The following KCNU1 variants were observed in gnomAD, a reference collection of about 807,000 sequenced individuals.
The protein encoded by KCNU1 is potassium channel subfamily U member 1.
KCNU1 carries 93 observed loss-of-function variants against 126.8 expected under a neutral mutation model. The ratio of observed to expected loss-of-function variants is 0.73; its 90% confidence interval spans 0.62 to 0.87. The LOEUF is 0.87. KCNU1 is among the 40% of genes least tolerant of loss of function. KCNU1 has a pLI of 0.00. For missense variants in KCNU1, 1,330 were observed against 1,367.1 expected, an observed-to-expected ratio of 0.97 and a Z score of 0.43; for synonymous variants, 523 against 494.2, an observed-to-expected ratio of 1.06 and a Z score of -0.77.
chr8:36,880,271 C>T (rs1806428518), intron 19 of KCNU1, among the ~76,000 whole-genome samples: 1 of 152,072 alleles, frequency 6.6e-6, no homozygotes, highest in South Asian at 2.1e-4. Flanking sequence ...ATTTGGATTG[C>T]TCTGGGCATT....
At chr8:36,805,366 A>G in intron 4 of KCNU1, 81 bp downstream of exon 4, 1 of 844,472 alleles carries the variant, frequency 1.2e-6, no homozygotes, top group Non-Finnish European at 1.9e-6. Flanking sequence ...TCTCAGTCCT[A>G]CAATCTGCCC....
intron 14 of KCNU1, among the ~76,000 whole-genome samples, chr8:36,840,151 T>G (rs1448283982): frequency 1.3e-5 from 2 of 152,232 alleles, no homozygotes; most frequent in Non-Finnish European, 2.9e-5. Context: ...TGATTCTTAC[T>G]AACTGAAAAG....
At chr8:36,931,205 A>C in intron 25 of KCNU1, 60 bp downstream of exon 25, 8 of 1,292,180 alleles carry the variant, frequency 6.2e-6, no homozygotes, top group Non-Finnish European at 8.6e-6. Context: ...AGCTTCTGAA[A>C]ATGGTCCAGG....
intron 18 of KCNU1, among the ~76,000 whole-genome samples, chr8:36,863,705 T>C (rs1396908272): frequency 6.6e-6 from 1 of 152,070 alleles, no homozygotes; most frequent in Non-Finnish European, 1.5e-5. Flanking sequence ...TATCAACATA[T>C]GGGTTCAGGA....
chr8:36,895,173 A>C (rs1807136512), intron 19 of KCNU1, among the ~76,000 whole-genome samples: 1 of 151,504 alleles, frequency 6.6e-6, no homozygotes, highest in African/African-American at 2.4e-5. Context: ...CTGCCCCCCC[A>C]GTTCAAGTGA....
At chr8:36,815,959 T>G (rs937449180) in intron 9 of KCNU1, among the ~76,000 whole-genome samples, 3 of 152,244 alleles carry the variant, frequency 2.0e-5, no homozygotes, top group African/African-American at 7.2e-5. Context: ...TAAATATTAC[T>G]GATTATGGCA....
rs1393450721 is a variant in KCNU1, at chr8:36,928,911, C to T, written c.2737-2040C>T. 3 of 639,976 alleles carry T rather than the reference C, an allele frequency of 4.7e-6. No homozygotes were observed. The African/African-American group carries it at 5.6e-5, about 12-fold the overall frequency. 39.6% of individuals were successfully genotyped at this position (639,976 alleles called of 1,614,324 possible). On this transcript the variant is annotated intron_variant, in intron 24 of 26. Coordinates refer to ENST00000399881, the MANE Select transcript of KCNU1 (RefSeq NM_001031836.3). ...GTCCATATATTCTGATCCAGGAGAT[C>T]TGGGATCCCAGAAATCTACACTCAT...
intron 18 of KCNU1, among the ~76,000 whole-genome samples, chr8:36,852,763 C>G (rs1445719338): frequency 1.3e-5 from 2 of 151,994 alleles, no homozygotes; most frequent in Non-Finnish European, 2.9e-5. Context: ...ACCAGTAGTA[C>G]TAATCTGTCT....
chr8:36,868,186 G>A (rs902727536), intron 19 of KCNU1, among the ~76,000 whole-genome samples: 3 of 152,044 alleles, frequency 2.0e-5, no homozygotes, highest in Non-Finnish European at 4.4e-5. Context: ...CGTGTTAATG[G>A]GTCAGTGATA....
chr8:36,826,647 C>T (rs1396025066), intron 10 of KCNU1, among the ~76,000 whole-genome samples: 1 of 152,112 alleles, frequency 6.6e-6, no homozygotes, highest in Non-Finnish European at 1.5e-5. Context: ...TACTTATAAA[C>T]CCATCCATTA....
At chr8:36,822,871 A>G (rs765035041) in intron 10 of KCNU1, among the ~76,000 whole-genome samples, 1 of 152,146 alleles carries the variant, frequency 6.6e-6, no homozygotes, top group Non-Finnish European at 1.5e-5. Flanking sequence ...GTCATTCTTT[A>G]TGCTGACTGC....
At chr8:36,813,476 T>C (rs1803796072) in intron 7 of KCNU1, among the ~76,000 whole-genome samples, 1 of 150,962 alleles carries the variant, frequency 6.6e-6, no homozygotes, top group Admixed American at 6.6e-5. Flanking sequence ...TTATAAACTA[T>C]ACATGTATAA....
chr8:36,907,285 C>A (rs1277608034), intron 20 of KCNU1, among the ~76,000 whole-genome samples: 1 of 152,084 alleles, frequency 6.6e-6, no homozygotes, highest in East Asian at 1.9e-4. Context: ...CCCCTTCTTC[C>A]AATAGTCACC....
Position 36,840,478 on chromosome 8 carries a change from A to G in KCNU1, c.1534A>G (p.Thr512Ala). ...TGTATTCCAGGTTATGCCTAAACAG[A>G]CCTGGAAGAAACACTTCTTGAATAG... Reference protein sequence around the residue: ...EQNKKVMPKQTWKKHFLNSMK... With the variant: ...EQNKKVMPKQAWKKHFLNSMK... The change falls in exon 15 of 27, where the codon ACC becomes GCC. Residue 512 changes from threonine to alanine, a missense_variant. Thr to Ala is a moderately conservative substitution (Grantham distance 58). This residue lies in a region of KCNU1 where 1,054 missense variants were observed against 1,053.9 expected (regional missense o/e 1.00). Coordinates refer to ENST00000399881, the MANE Select transcript of KCNU1 (RefSeq NM_001031836.3). 6.3e-7 allele frequency: 1 copy of G among 1,593,454 alleles called. No homozygotes were observed. Among genetic ancestry groups the G allele is most frequent in the Non-Finnish European group, 8.6e-7 (1 of 1,162,264 alleles).
intron 19 of KCNU1, among the ~76,000 whole-genome samples, chr8:36,878,237 T>C (rs975457065): frequency 2.0e-5 from 3 of 151,942 alleles, no homozygotes; most frequent in African/African-American, 7.3e-5. Context: ...GACAAGAAAA[T>C]TTCTGATAAG....
At position 36,933,617 on chromosome 8, in the gene KCNU1, A is replaced by G. The variant is rs73590714; in HGVS notation, c.3044+585A>G. On this transcript the variant is annotated intron_variant, in intron 26 of 26. Transcript: ENST00000399881. ...TGTGTATGCCCAGACTAAGATCCTC[A>G]CAGTGGGAATGGAAAGGATTCAGAA... 6.3e-3 allele frequency among the ~76,000 whole-genome samples: 956 copies of G among 152,244 alleles called. 11 individuals carry two copies. Among genetic ancestry groups the G allele is most frequent in the African/African-American group, 0.022 (911 of 41,574 alleles).
At chr8:36,889,259 T>G (rs1304402058) in intron 19 of KCNU1, 2 of 534,060 alleles carry the variant, frequency 3.7e-6, no homozygotes, top group Non-Finnish European at 7.7e-6. Flanking sequence ...ATGGTCAGTA[T>G]GACCCCATAT....
chr8:36,914,859 G>C (rs1269606336), intron 22 of KCNU1, among the ~76,000 whole-genome samples: 3 of 152,174 alleles, frequency 2.0e-5, no homozygotes, highest in Non-Finnish European at 4.4e-5. Flanking sequence ...CTACAATTAA[G>C]CAATCTTTTG....
chr8:36,881,905 C>T (rs978665232), intron 19 of KCNU1, among the ~76,000 whole-genome samples: 3 of 151,690 alleles, frequency 2.0e-5, no homozygotes, highest in Admixed American at 1.3e-4. Flanking sequence ...ATGTTATAGC[C>T]AGATTCTTAC....
Sources: gnomAD v4.1 joint callset for allele counts (sites outside exome capture counted in the v4.1 genomes callset) on GRCh38, gnomAD v4.1.1 for gene constraint, gnomAD v4.1.1 regional missense constraint, MANE v1.5 for transcripts, NCBI Gene and HGNC (gene_info 2026-07-23, HGNC 2026-07-21) for gene names.